The following MAK16 variants were observed in gnomAD, a reference collection of about 807,000 sequenced individuals.
The protein encoded by MAK16 is MAK16 homolog, also known as protein MAK16 homolog.
MAK16 carries 12 observed loss-of-function variants against 49.9 expected under a neutral mutation model. The observed-to-expected ratio is 0.24, with a 90% confidence interval of 0.15 to 0.39. MAK16 has a LOEUF of 0.39. Ranked by LOEUF, MAK16 falls within the 10% of genes least tolerant of loss-of-function variation. The pLI is 1.00. For synonymous variants in MAK16, 115 were observed against 126.4 expected, an observed-to-expected ratio of 0.91 and a Z score of 0.60; for missense variants, 292 against 363.7, an observed-to-expected ratio of 0.80 and a Z score of 1.60.
In MAK16 at chr8:33,499,421, ATTAG is replaced by A; in HGVS notation, c.*795_*798del. 1 of 647,464 alleles carries A rather than the reference ATTAG, an allele frequency of 1.5e-6. No homozygotes were observed. Among genetic ancestry groups the A allele is most frequent in the Middle Eastern group, 3.1e-4 (1 of 3,184 alleles). The allele number at this position is 647,464 out of a possible 1,614,324, so 40.1% of individuals were successfully genotyped here. A position where few individuals can be genotyped will look rare whatever the true frequency, so the allele number is the denominator to read the frequency against. On this transcript the variant is annotated 3_prime_UTR_variant, in exon 10 of 10. Transcript: ENST00000360128. ...GGACAGGTCACTAAGCAGAATAGGT[ATTAG>A]TTGGTTTTTTATTATTTTTAAATTT...
intron 6 of MAK16, among the ~76,000 whole-genome samples, chr8:33,491,028 G>A (rs898520959): frequency 1.3e-5 from 2 of 152,082 alleles, no homozygotes; most frequent in Non-Finnish European, 2.9e-5. Flanking sequence ...AAGTGAAAAT[G>A]TGCAGTGTTT....
chr8:33,488,970 C>T lies in MAK16; in HGVS notation c.241-18C>T, dbSNP rs749364329. 3.1e-6 allele frequency: 5 copies of T among 1,614,038 alleles called. No homozygotes were observed. In the Admixed American group the frequency reaches 8.3e-5, roughly 27 times the overall value. ...TCATTTACACTTGCCCTTCAAACTT[C>T]CTGTTTCTGTTTGGTAGGTCCGGCT... On this transcript the variant is annotated intron_variant, in intron 4 of 9. Coordinates refer to ENST00000360128, the MANE Select transcript of MAK16 (RefSeq NM_032509.4).
Position 33,497,278 on chromosome 8 carries a change from G to A in MAK16, c.686G>A (p.Ser229Asn). The A allele has an allele frequency of 6.2e-7, 1 of 1,605,252 alleles. No homozygotes were observed. The highest frequency in any genetic ancestry group is 8.5e-7 in the Non-Finnish European group (1 of 1,175,312). Residue 229 changes from serine to asparagine, a missense_variant, in exon 9 of 10, where the codon AGT becomes AAT. Coordinates refer to ENST00000360128, the MANE Select transcript of MAK16 (RefSeq NM_032509.4). Reference protein sequence around the residue: ...EFVEDGEVDESDISDFEDMDK... With the variant: ...EFVEDGEVDENDISDFEDMDK... ...GTCGAAGATGGTGAGGTAGATGAGA[G>A]TGACATAAGTGATTTTGAGGTGAGC...
Position 33,488,999 on chromosome 8 carries a change from T to G in MAK16, c.252T>G (p.Ser84Arg). ...TTTCTGTTTGGTAGGTCCGGCTTAG[T>G]AAAAACTATGAGAAAGCACTGGAGC... ...PRRLWERVRL[S>R]KNYEKALEQI... Residue 84 changes from serine to arginine, a missense_variant, in exon 5 of 10, where the codon AGT becomes AGG. Coordinates refer to ENST00000360128, the MANE Select transcript of MAK16 (RefSeq NM_032509.4). 1 of 1,614,116 alleles carries G rather than the reference T, an allele frequency of 6.2e-7. No homozygotes were observed. Among genetic ancestry groups the G allele is most frequent in the Non-Finnish European group, 8.5e-7 (1 of 1,180,024 alleles).
intron 1 of MAK16, 118 bp from the exon 2 acceptor site, chr8:33,488,260 A>T: frequency 9.0e-7 from 1 of 1,109,148 alleles, no homozygotes; most frequent in Non-Finnish European, 1.4e-6. Flanking sequence ...TAAACAAGTC[A>T]GGCTATTTTA....
chr8:33,498,317 C>CACAGACAT, intron 9 of MAK16, 115 bp from the exon 10 acceptor site: 1 of 641,274 alleles, frequency 1.6e-6, no homozygotes, highest in East Asian at 3.4e-5. Context: ...AATTTCTGAA[C>CACAGACAT]ACAGACATAG....
chr8:33,492,649 G>C (rs1207424038), intron 6 of MAK16, among the ~76,000 whole-genome samples: 1 of 152,130 alleles, frequency 6.6e-6, no homozygotes, highest in Non-Finnish European at 1.5e-5. Flanking sequence ...TTATTGAAGA[G>C]ACTGTCTTTT....
Position 33,499,081 on chromosome 8 carries a change from C to G in MAK16, c.*452C>G. ...AAAGCAGCTTTCACTTACAAAGTTTCGTGTAAAAATATCTTTTTTTCTTAA... is the reference window on the plus strand; with the variant it reads ...AAAGCAGCTTTCACTTACAAAGTTTGGTGTAAAAATATCTTTTTTTCTTAA... On this transcript the variant is annotated 3_prime_UTR_variant, in exon 10 of 10. Coordinates refer to ENST00000360128, the MANE Select transcript of MAK16 (RefSeq NM_032509.4). The G allele has an allele frequency of 9.3e-7, 1 of 1,075,932 alleles. No homozygotes were observed. Among genetic ancestry groups the G allele is most frequent in the South Asian group, 1.3e-5 (1 of 74,974 alleles). 66.6% of individuals were successfully genotyped at this position (1,075,932 alleles called of 1,614,324 possible). A position where few individuals can be genotyped will look rare whatever the true frequency, so the allele number is the denominator to read the frequency against.
chr8:33,496,617 T>G lies in MAK16; in HGVS notation c.523-8T>G. ...TAGTTAAAGCCAATCTGTGTTTATGTTCTTCAGTATGGCGACATCTACAAC... is the reference window on the plus strand; with the variant it reads ...TAGTTAAAGCCAATCTGTGTTTATGGTCTTCAGTATGGCGACATCTACAAC... On this transcript the variant is annotated splice_region_variant and splice_polypyrimidine_tract_variant and intron_variant, in intron 7 of 9. Transcript: ENST00000360128. 6.2e-7 allele frequency: 1 copy of G among 1,605,656 alleles called. No homozygotes were observed. The highest frequency in any genetic ancestry group is 1.3e-5 in the African/African-American group (1 of 74,810).
intron 6 of MAK16, among the ~76,000 whole-genome samples, chr8:33,491,624 C>CT (rs1808779877): frequency 6.9e-6 from 1 of 145,880 alleles, no homozygotes; most frequent in South Asian, 2.2e-4. Context: ...TCCCTGCCCC[C>CT]TGCTTTTTTT....
chr8:33,500,393 C>T lies in MAK16; in HGVS notation c.*1764C>T, dbSNP rs571647825. 1.5e-5 allele frequency: 25 copies of T among 1,614,104 alleles called. No individual in the cohort carries two copies. The East Asian group carries it at 2.0e-4, about 13-fold the overall frequency. On this transcript the variant is annotated 3_prime_UTR_variant, in exon 10 of 10. Transcript: ENST00000360128. ...CAGTCTGTGGCCTCCTGTAGCAGGG[C>T]GCTCTTAACAGACTCAGGTGTAAGG...
chr8:33,499,188 G>A lies in MAK16; in HGVS notation c.*559G>A, dbSNP rs772780494. On this transcript the variant is annotated 3_prime_UTR_variant, in exon 10 of 10. Transcript: ENST00000360128. ...AATACAAGTCTTAAGTTCCATTGTA[G>A]GGTGCGCCTTCAGAAACCTGCTGCA... The A allele has an allele frequency of 2.5e-6, 4 of 1,613,640 alleles. No homozygotes were observed. In the East Asian group the frequency reaches 8.9e-5, roughly 36 times the overall value.
Position 33,500,195 on chromosome 8 carries a change from C to T in MAK16, c.*1566C>T. 2 of 947,074 alleles carry T rather than the reference C, an allele frequency of 2.1e-6. No homozygotes were observed. The highest frequency in any genetic ancestry group is 3.2e-6 in the Non-Finnish European group (2 of 620,086). 58.7% of individuals were successfully genotyped at this position (947,074 alleles called of 1,614,324 possible). ...CAAGCTCTTTTGAGGCTAGAGGGCTCATATGGAGATCTAAAACCCTCCATG... is the reference window on the plus strand; with the variant it reads ...CAAGCTCTTTTGAGGCTAGAGGGCTTATATGGAGATCTAAAACCCTCCATG... On this transcript the variant is annotated 3_prime_UTR_variant, in exon 10 of 10. Transcript: ENST00000360128.
Position 33,499,328 on chromosome 8 carries a change from T to G in MAK16, c.*699T>G. The G allele has an allele frequency of 7.6e-7, 1 of 1,308,238 alleles. No individual in the cohort carries two copies. Among genetic ancestry groups the G allele is most frequent in the Non-Finnish European group, 1.1e-6 (1 of 906,316 alleles). The allele number at this position is 1,308,238 out of a possible 1,614,324, so 81.0% of individuals were successfully genotyped here. On this transcript the variant is annotated 3_prime_UTR_variant, in exon 10 of 10. Coordinates refer to ENST00000360128, the MANE Select transcript of MAK16 (RefSeq NM_032509.4). The stretch of plus-strand genomic sequence containing the variant: ...TGATATTTTTTTTTTTTTAATTACT[T>G]TCCCCTTTTGCTTGATTCTTCTTCC...
Position 33,489,610 on chromosome 8 carries a change from C to A in MAK16, c.392+471C>A, listed in dbSNP as rs1314767645. 6.6e-6 allele frequency among the ~76,000 whole-genome samples: 1 copy of A among 152,088 alleles called. No homozygotes were observed. ...GGCCAGGCTGGTCTAGAATTCCTGA[C>A]CTCAAGCGATCCGCCTTAGCCTCCC... On this transcript the variant is annotated intron_variant, in intron 5 of 9. Transcript: ENST00000360128. This position sits in a 1 kb window ranked among gnomAD's most constrained non-coding sequence, Gnocchi z 4.2.
At chr8:33,485,542 G>C in intron 1 of MAK16, 1 of 418,530 alleles carries the variant, frequency 2.4e-6, no homozygotes, top group Admixed American at 3.7e-5. Context: ...ACTTGGGGTG[G>C]GGGGCGGCCC....
chr8:33,499,356 G>T lies in MAK16; in HGVS notation c.*727G>T. ...CCCTTTTGCTTGATTCTTCTTCCTT[G>T]GTATCATATTCAAAGGAGGAAAGAA... is the stretch of plus-strand genomic sequence containing the variant. On this transcript the variant is annotated 3_prime_UTR_variant, in exon 10 of 10. Coordinates refer to ENST00000360128, the MANE Select transcript of MAK16 (RefSeq NM_032509.4). The T allele has an allele frequency of 9.8e-7, 1 of 1,016,726 alleles. No homozygotes were observed. The allele number at this position is 1,016,726 out of a possible 1,614,324, so 63.0% of individuals were successfully genotyped here.
At chr8:33,496,527 T>A (rs1808860118) in intron 7 of MAK16, 98 bp from the exon 8 acceptor site, 1 of 849,124 alleles carries the variant, frequency 1.2e-6, no homozygotes, top group Admixed American at 2.7e-5. Flanking sequence ...GTATTCTGAT[T>A]TAATCACTGA....
intron 6 of MAK16, among the ~76,000 whole-genome samples, chr8:33,493,801 C>T (rs1454828930): frequency 6.6e-6 from 1 of 152,044 alleles, no homozygotes; most frequent in Non-Finnish European, 1.5e-5. Flanking sequence ...AAATGCATTA[C>T]AATATTCTGT....
Sources: allele counts gnomAD v4.1 joint callset (sites outside exome capture counted in the v4.1 genomes callset), GRCh38; gene constraint gnomAD v4.1.1; non-coding constraint Gnocchi (gnomAD v3.1); transcripts MANE v1.5; gene names NCBI Gene and HGNC (gene_info 2026-07-23, HGNC 2026-07-21).